The following CDH12 variants were observed in gnomAD, a reference collection of about 807,000 sequenced individuals.
CDH12 encodes the protein cadherin 12.
CDH12 carries 41 observed loss-of-function variants against 74.1 expected under a neutral mutation model. The ratio of observed to expected loss-of-function variants is 0.55; its 90% CI spans 0.43 to 0.72. CDH12 has a LOEUF of 0.72. Among genes scored for constraint, CDH12 ranks in the 30% least tolerant of loss-of-function variants. The pLI is 0.00. For missense variants in CDH12, 945 were observed against 977.2 expected (o/e 0.97, Z 0.44); for synonymous variants, 399 against 355.0 (o/e 1.12, Z -1.39).
At chr5:22,010,617 C>G (rs1338447906) in intron 5 of CDH12, among the ~76,000 whole-genome samples, 1 of 152,092 alleles carries the variant, frequency 6.6e-6, no homozygotes, top group Non-Finnish European at 1.5e-5. Flanking sequence ...CTTTATTAGT[C>G]CCACTCTCTG....
At chr5:22,053,869 T>TA (rs1740559461) in intron 5 of CDH12, among the ~76,000 whole-genome samples, 1 of 152,160 alleles carries the variant, frequency 6.6e-6, no homozygotes, top group South Asian at 2.1e-4. Flanking sequence ...CCCTCTGCCT[T>TA]AGTCTTCATA....
chr5:21,997,785 C>A (rs536565375), intron 5 of CDH12, among the ~76,000 whole-genome samples: 1 of 151,916 alleles, frequency 6.6e-6, no homozygotes, highest in Non-Finnish European at 1.5e-5. Flanking sequence ...AATAGATAAG[C>A]GAAATCGATC....
At chr5:22,016,201 A>G (rs1737598019) in intron 5 of CDH12, among the ~76,000 whole-genome samples, 1 of 152,126 alleles carries the variant, frequency 6.6e-6, no homozygotes, top group South Asian at 2.1e-4. Flanking sequence ...ACTGTAGAGT[A>G]TGATCTTTCT....
At position 22,611,817 on chromosome 5, in the gene CDH12, C is replaced by CAAAG. The variant is rs1474654345; in HGVS notation, c.-522-106457_-522-106454dup. On this transcript the variant is annotated intron_variant, in intron 1 of 14. Coordinates refer to ENST00000382254, the MANE Select transcript of CDH12 (RefSeq NM_004061.5). ...GTTGGTTTAGCTCAGCCTTCAAGGG[C>CAAAG]AAAGATTAGGACACAGAAGAGTGCA... is the stretch of plus-strand genomic sequence containing the variant. Among the ~76,000 whole-genome samples the CAAAG allele has an allele frequency of 2.6e-5, 4 of 152,102 alleles. No homozygotes were observed. In the East Asian group the frequency reaches 7.8e-4, roughly 30 times the overall value.
intron 1 of CDH12, among the ~76,000 whole-genome samples, chr5:22,736,735 A>AC (rs1561613032): frequency 3.0e-4 from 46 of 151,462 alleles, no homozygotes; most frequent in African/African-American, 9.4e-4. Flanking sequence ...CACACACACA[A>AC]AAAGCCTAGA....
At position 21,870,816 on chromosome 5, in the gene CDH12, C is replaced by A. The variant is rs114120541; in HGVS notation, c.527-16026G>T. Among the ~76,000 whole-genome samples, 820 of 152,272 alleles carry A rather than the reference C, an allele frequency of 5.4e-3. 5 individuals are homozygous for A. Among genetic ancestry groups the A allele is most frequent in the Non-Finnish European group, 7.9e-3 (537 of 68,026 alleles). ...GTATAATCACAGCCTACTGCAGCCCCAACCTGGTGAACTCAAGCAATTCTC... is the reference window on the plus strand; with the variant it reads ...GTATAATCACAGCCTACTGCAGCCCAAACCTGGTGAACTCAAGCAATTCTC... On this transcript the variant is annotated intron_variant, in intron 6 of 14. Transcript: ENST00000382254.
intron 3 of CDH12, among the ~76,000 whole-genome samples, chr5:22,314,127 C>A (rs1349830388): frequency 2.0e-5 from 3 of 152,112 alleles, no homozygotes; most frequent in Non-Finnish European, 2.9e-5. Context: ...GCATATGGAG[C>A]TTGAGATGTG....
chr5:22,331,580 A>G (rs904266740), intron 3 of CDH12, among the ~76,000 whole-genome samples: 1 of 152,220 alleles, frequency 6.6e-6, no homozygotes, highest in African/African-American at 2.4e-5. Context: ...AAATAAGCCC[A>G]GGATGTAAAG....
chr5:22,677,255 A>C, intron 1 of CDH12, among the ~76,000 whole-genome samples: 1 of 152,292 alleles, frequency 6.6e-6, no homozygotes, highest in East Asian at 1.9e-4. Flanking sequence ...TTAGGCTAGT[A>C]TAAGAGAATA....
intron 3 of CDH12, among the ~76,000 whole-genome samples, chr5:22,265,446 C>T (rs1237422032): frequency 6.6e-6 from 1 of 152,066 alleles, no homozygotes; most frequent in Non-Finnish European, 1.5e-5. Flanking sequence ...AACTACTAGG[C>T]TTGTTACTAT....
chr5:21,852,983 T>C (rs1400981774), intron 7 of CDH12, among the ~76,000 whole-genome samples: 1 of 151,592 alleles, frequency 6.6e-6, no homozygotes, highest in Non-Finnish European at 1.5e-5. Flanking sequence ...ATTTCCTTTA[T>C]TATTTTCATA....
intron 1 of CDH12, among the ~76,000 whole-genome samples, chr5:22,823,062 G>A (rs1170827698): frequency 6.6e-6 from 1 of 152,114 alleles, no homozygotes; most frequent in Non-Finnish European, 1.5e-5. Flanking sequence ...CATAAAAAAT[G>A]AAGAGTTCAT....
chr5:22,329,721 A>G (rs150147395), intron 3 of CDH12, among the ~76,000 whole-genome samples: 1 of 152,322 alleles, frequency 6.6e-6, no homozygotes, highest in East Asian at 1.9e-4. Context: ...GAGACTTTGT[A>G]TTGAACTCAG....
intron 1 of CDH12, among the ~76,000 whole-genome samples, chr5:22,709,055 A>G (rs1202536196): frequency 6.6e-6 from 1 of 152,138 alleles, no homozygotes; most frequent in Non-Finnish European, 1.5e-5. Flanking sequence ...GCTCAAATAT[A>G]GAAATGTGGA....
rs372559420 is a variant in CDH12 at position 21,954,901 on chromosome 5, A to C, written c.526+20190T>G. Among the ~76,000 whole-genome samples the C allele has an allele frequency of 2.8e-4, 42 of 152,230 alleles. 1 individual carries two copies. The East Asian group carries it at 3.3e-3, about 12-fold the overall frequency. On this transcript the variant is annotated intron_variant, in intron 6 of 14. Transcript: ENST00000382254. Reference sequence around the variant, plus strand: ...TGTAAAATCAACAGGAGAATAGCAAAAACTTATGAGATAGATGAACGTTGT... The same window carrying C: ...TGTAAAATCAACAGGAGAATAGCAACAACTTATGAGATAGATGAACGTTGT...
intron 6 of CDH12, among the ~76,000 whole-genome samples, chr5:21,955,095 T>A (rs1033036660): frequency 1.4e-4 from 21 of 152,050 alleles, no homozygotes; most frequent in Non-Finnish European, 2.1e-4. Context: ...CCTATCATTT[T>A]CAGGTTCTGC....
At chr5:21,841,319 C>G (rs1476946526) in intron 8 of CDH12, among the ~76,000 whole-genome samples, 3 of 152,124 alleles carry the variant, frequency 2.0e-5, no homozygotes, top group Non-Finnish European at 2.9e-5. Flanking sequence ...TATCGTCTCA[C>G]ACCAGTTAGA....
chr5:22,498,777 A>T (rs1339964517), intron 2 of CDH12, among the ~76,000 whole-genome samples: 1 of 151,760 alleles, frequency 6.6e-6, no homozygotes, highest in Non-Finnish European at 1.5e-5. Flanking sequence ...ACATGCATGC[A>T]TTATATAATG....
chr5:21,850,415 T>C (rs543073960), intron 7 of CDH12, among the ~76,000 whole-genome samples: 15 of 151,628 alleles, frequency 9.9e-5, no homozygotes, highest in African/African-American at 3.6e-4. Context: ...GTATCTCTTA[T>C]GACAGCATGT....
Sources: gnomAD v4.1 joint callset for allele counts (sites outside exome capture counted in the v4.1 genomes callset) on GRCh38, gnomAD v4.1.1 for gene constraint, MANE v1.5 for transcripts, NCBI Gene and HGNC (gene_info 2026-07-23, HGNC 2026-07-21) for gene names.